TNRC6A: variants seen among roughly 807,000 people sequenced by gnomAD.
TNRC6A encodes trinucleotide repeat containing adaptor 6A, also known as trinucleotide repeat-containing gene 6A protein.
Under a neutral mutation model 221.2 loss-of-function variants are expected in TNRC6A, and 44 were observed. The observed-to-expected ratio is 0.20, with a 90% confidence interval of 0.16 to 0.26. The LOEUF (loss-of-function observed/expected upper bound fraction) is 0.26, where lower values mean the gene tolerates loss of function less well. TNRC6A is among the 10% of genes least tolerant of loss of function. TNRC6A has a pLI of 1.00. For missense variants in TNRC6A, 2,199 were observed against 2,404.4 expected, an observed-to-expected ratio of 0.91 and a Z score of 1.79; for synonymous variants, 847 against 838.5, an observed-to-expected ratio of 1.01 and a Z score of -0.18.
intron 1 of TNRC6A, among the ~76,000 whole-genome samples, chr16:24,624,805 T>C (rs1900871290): frequency 6.6e-6 from 1 of 152,226 alleles, no homozygotes; most frequent in Non-Finnish European, 1.5e-5. Flanking sequence ...TTCAACAGCA[T>C]ACATCCTGAC....
chr16:24,643,626 C>T lies in TNRC6A; in HGVS notation n.402+2617C>T, dbSNP rs116353335. ...ACCCATCAGACTTGAGGCTTGGCCCCGTCTTCCCTTGAGTCAACATCTTCC... is the reference window on the plus strand; with the variant it reads ...ACCCATCAGACTTGAGGCTTGGCCCTGTCTTCCCTTGAGTCAACATCTTCC... On this transcript the variant is annotated intron_variant and non_coding_transcript_variant, in intron 2 of 2. Transcript: ENST00000566108. 1.5e-3 allele frequency among the ~76,000 whole-genome samples: 225 copies of T among 152,218 alleles called. 2 individuals are homozygous for T. Among genetic ancestry groups the T allele is most frequent in the African/African-American group, 5.2e-3 (217 of 41,536 alleles).
intron 4 of TNRC6A, among the ~76,000 whole-genome samples, chr16:24,765,761 A>C (rs2057459339): frequency 6.6e-6 from 1 of 152,190 alleles, no homozygotes; most frequent in Non-Finnish European, 1.5e-5. Context: ...CATGGGAAAT[A>C]GTTAATAAAA....
chr16:24,820,071 C>T (rs963397510), intron 21 of TNRC6A, 68 bp from the exon 22 acceptor site: 1 of 1,416,378 alleles, frequency 7.1e-7, no homozygotes, highest in African/African-American at 1.4e-5. Flanking sequence ...GAATGGATGT[C>T]ATTATTTAAA....
chr16:24,792,283 T>C lies in TNRC6A; in HGVS notation c.3175+466T>C, dbSNP rs1411772194. On this transcript the variant is annotated intron_variant, in intron 6 of 24. Coordinates refer to ENST00000395799, the MANE Select transcript of TNRC6A (RefSeq NM_014494.4). ...TAGATACAGTATATATGTTTGTGTA[T>C]TTAAAACATTTGACAATACCTTTCT... 3.3e-5 allele frequency among the ~76,000 whole-genome samples: 5 copies of C among 152,354 alleles called. No individual in the cohort carries two copies. The East Asian group carries it at 9.6e-4, about 29-fold the overall frequency.
At chr16:24,625,742 A>AAAAAAAAAT (rs1900948478) in intron 1 of TNRC6A, among the ~76,000 whole-genome samples, 1 of 74,968 alleles carries the variant, frequency 1.3e-5, no homozygotes. Flanking sequence ...CAAAACAAAA[A>AAAAAAAAAT]AAAAAAAAAA....
At position 24,625,026 on chromosome 16, in the gene TNRC6A, A is replaced by G. The variant is rs1284207909; in HGVS notation, n.276+14542A>G. 5.9e-5 allele frequency among the ~76,000 whole-genome samples: 9 copies of G among 152,344 alleles called. No homozygotes were observed. In the South Asian group the frequency reaches 1.9e-3, roughly 32 times the overall value. On this transcript the variant is annotated intron_variant and non_coding_transcript_variant, in intron 1 of 2. Transcript: ENST00000566108. ...TTCTTTATATAATACTAATAAGGCC[A>G]TAAAAGACCAGAAATCATAGACCTG...
intron 5 of TNRC6A, among the ~76,000 whole-genome samples, chr16:24,786,048 CT>C (rs1220540310): frequency 1.3e-5 from 2 of 152,128 alleles, no homozygotes; most frequent in Admixed American, 6.5e-5. Context: ...GCAATTTATA[CT>C]CTGTTGGAGT....
chr16:24,777,530 A>C (rs1304241624), intron 5 of TNRC6A, among the ~76,000 whole-genome samples, 172 bp downstream of exon 5: 1 of 152,166 alleles, frequency 6.6e-6, no homozygotes, highest in Non-Finnish European at 1.5e-5. Flanking sequence ...ATTTCCTGTA[A>C]GTTACCTACT....
intron 18 of TNRC6A, among the ~76,000 whole-genome samples, chr16:24,811,398 C>T (rs917237928): frequency 3.9e-5 from 6 of 152,108 alleles, no homozygotes; most frequent in East Asian, 1.9e-4. Context: ...AGCACCCAGA[C>T]GGATTTGGTG....
chr16:24,726,046 C>A (rs1341543398), upstream of TNRC6A, among the ~76,000 whole-genome samples: 2 of 151,774 alleles, frequency 1.3e-5, no homozygotes, highest in African/African-American at 2.4e-5. Flanking sequence ...CTTCATCCAC[C>A]ACTGTAGTTC....
intron 1 of TNRC6A, among the ~76,000 whole-genome samples, chr16:24,610,750 CT>C (rs975695242): frequency 6.6e-6 from 1 of 152,130 alleles, no homozygotes; most frequent in African/African-American, 2.4e-5. Flanking sequence ...CTCTCTCTAT[CT>C]TACTCCTCCT....
chr16:24,656,031 T>A (rs1286052161), intron 2 of TNRC6A, among the ~76,000 whole-genome samples: 2 of 150,508 alleles, frequency 1.3e-5, no homozygotes, highest in Non-Finnish European at 2.9e-5. Context: ...TGGTCCCAGC[T>A]ACTCAGGAGG....
At chr16:24,730,126 CCCCGTCCTCTCCCCTCCCCCATCCGG>C in intron 1 of TNRC6A, 101 bp from the exon 2 acceptor site, 5 of 812,130 alleles carry the variant, frequency 6.2e-6, no homozygotes, top group Non-Finnish European at 8.9e-6. Context: ...GTCCCCCTCC[CCCCGTCCTCTCCCCTCCCCCATCCGG>C]CCCCGGCGCG....
intron 2 of TNRC6A, among the ~76,000 whole-genome samples, chr16:24,733,446 G>A (rs532222384): frequency 1.3e-4 from 20 of 152,270 alleles, no homozygotes; most frequent in African/African-American, 4.6e-4. Context: ...TTCACAGTTG[G>A]CCATTAAAAT....
intron 4 of TNRC6A, among the ~76,000 whole-genome samples, chr16:24,759,220 C>A (rs549810153): frequency 1.6e-3 from 241 of 151,202 alleles, no homozygotes; most frequent in African/African-American, 5.4e-3. Context: ...ATTCCTAGAG[C>A]GTTAAATATT....
intron 2 of TNRC6A, among the ~76,000 whole-genome samples, chr16:24,693,524 G>A (rs1309308506): frequency 6.6e-6 from 1 of 152,104 alleles, no homozygotes; most frequent in Non-Finnish European, 1.5e-5. Flanking sequence ...GGAGGCAGAG[G>A]TTGCAGTGAG....
intron 2 of TNRC6A, among the ~76,000 whole-genome samples, chr16:24,732,402 G>T (rs1009567300): frequency 1.3e-5 from 2 of 152,188 alleles, no homozygotes; most frequent in Non-Finnish European, 2.9e-5. Context: ...AATGTAAGTA[G>T]TTAAATTTAT....
intron 9 of TNRC6A, among the ~76,000 whole-genome samples, chr16:24,796,558 C>T (rs2058223032): frequency 6.6e-6 from 1 of 152,026 alleles, no homozygotes; most frequent in Admixed American, 6.6e-5. Flanking sequence ...ATAGAAAGGA[C>T]AGAAGAACTT....
Position 24,825,636 on chromosome 16 carries a change from A to G in TNRC6A, c.*1829A>G, listed in dbSNP as rs2058849003. 6.6e-6 allele frequency: 1 copy of G among 152,648 alleles called. No individual in the cohort carries two copies. Among genetic ancestry groups the G allele is most frequent in the African/African-American group, 2.4e-5 (1 of 41,454 alleles). 9.5% of individuals were successfully genotyped at this position (152,648 alleles called of 1,614,324 possible). A position where few individuals can be genotyped will look rare whatever the true frequency, so the allele number is the denominator to read the frequency against. ...CTGAAATAATGTGAGAACAATGGGAAACTGTAGCTTGCTCCTTCCCACCCT... is the reference window on the plus strand; with the variant it reads ...CTGAAATAATGTGAGAACAATGGGAGACTGTAGCTTGCTCCTTCCCACCCT... On this transcript the variant is annotated 3_prime_UTR_variant, in exon 25 of 25. Coordinates refer to ENST00000395799, the MANE Select transcript of TNRC6A (RefSeq NM_014494.4).
Sources: allele counts gnomAD v4.1 joint callset (sites outside exome capture counted in the v4.1 genomes callset), GRCh38; gene constraint gnomAD v4.1.1; transcripts MANE v1.5; gene names NCBI Gene and HGNC (gene_info 2026-07-23, HGNC 2026-07-21).